Variants in ATXN7L1 observed in about 807,000 individuals in gnomAD.
ATXN7L1 encodes the protein ataxin 7 like 1, also known as ataxin-7-like protein 1.
Under a neutral mutation model 70.8 loss-of-function variants are expected in ATXN7L1, and 15 were observed. The ratio of observed to expected loss-of-function variants is 0.21; its 90% CI spans 0.14 to 0.33. ATXN7L1 has a LOEUF of 0.33. ATXN7L1 is among the 10% of genes least tolerant of loss of function. ATXN7L1 has a pLI of 1.00. For synonymous variants in ATXN7L1, 440 were observed against 445.1 expected, an observed-to-expected ratio of 0.99 and a Z score of 0.14; for missense variants, 975 against 1,097.1, an observed-to-expected ratio of 0.89 and a Z score of 1.57.
chr7:105,612,378 G>A (rs533497690), intron 10 of ATXN7L1, among the ~76,000 whole-genome samples: 7 of 152,322 alleles, frequency 4.6e-5, no homozygotes, highest in Admixed American at 3.3e-4. Context: ...TCTAAAATGA[G>A]TGAGATACCA....
At chr7:105,851,390 A>T (rs888592219) in intron 2 of ATXN7L1, among the ~76,000 whole-genome samples, 5 of 152,106 alleles carry the variant, frequency 3.3e-5, no homozygotes, top group African/African-American at 9.7e-5. Context: ...ATGGGACTGA[A>T]AGGTGGCTTC....
At chr7:105,693,619 C>T (rs1791329804) in intron 3 of ATXN7L1, among the ~76,000 whole-genome samples, 1 of 152,110 alleles carries the variant, frequency 6.6e-6, no homozygotes, top group Non-Finnish European at 1.5e-5. Flanking sequence ...CCTTCCCACT[C>T]CACAGGTTTT....
At chr7:105,690,379 G>A (rs1167693268) in intron 3 of ATXN7L1, among the ~76,000 whole-genome samples, 1 of 152,186 alleles carries the variant, frequency 6.6e-6, no homozygotes, top group Non-Finnish European at 1.5e-5. Flanking sequence ...TCAGCAGTTA[G>A]AACTATGTCA....
chr7:105,733,304 T>C (rs1796779562), intron 3 of ATXN7L1, among the ~76,000 whole-genome samples: 1 of 152,262 alleles, frequency 6.6e-6, no homozygotes, highest in African/African-American at 2.4e-5. Flanking sequence ...ACAATGCATT[T>C]GTCAGTCCTT....
intron 3 of ATXN7L1, among the ~76,000 whole-genome samples, chr7:105,787,330 G>A (rs1403984964): frequency 1.3e-5 from 2 of 152,186 alleles, no homozygotes; most frequent in African/African-American, 2.4e-5. Flanking sequence ...GGGAGGGGCA[G>A]AAGACTTGGC....
chr7:105,707,006 A>C (rs1163854738), intron 3 of ATXN7L1, among the ~76,000 whole-genome samples: 1 of 152,176 alleles, frequency 6.6e-6, no homozygotes, highest in Non-Finnish European at 1.5e-5. Flanking sequence ...AAGAGGGTTA[A>C]TTCTCCGTTG....
intron 3 of ATXN7L1, among the ~76,000 whole-genome samples, chr7:105,712,633 G>A (rs1416786883): frequency 6.6e-6 from 1 of 152,194 alleles, no homozygotes; most frequent in Non-Finnish European, 1.5e-5. Context: ...CAGTCTCTTT[G>A]CTAAAGCATA....
At position 105,665,053 on chromosome 7, in the gene ATXN7L1, C is replaced by A. The variant is rs1441577974; in HGVS notation, c.578+13G>T. The A allele has an allele frequency of 6.5e-7, 1 of 1,547,610 alleles. No individual in the cohort carries two copies. Among genetic ancestry groups the A allele is most frequent in the African/African-American group, 1.4e-5 (1 of 73,028 alleles). On this transcript the variant is annotated intron_variant, in intron 4 of 11. Transcript: ENST00000419735. Reference sequence around the variant, plus strand: ...GGGACAGACAGCAGCTGGCTGCCAGCCAGCTGACTCACCATGGTTTATCCC... The same window carrying A: ...GGGACAGACAGCAGCTGGCTGCCAGACAGCTGACTCACCATGGTTTATCCC...
chr7:105,672,788 G>A (rs1307617382), intron 3 of ATXN7L1, among the ~76,000 whole-genome samples: 1 of 152,214 alleles, frequency 6.6e-6, no homozygotes, highest in African/African-American at 2.4e-5. Flanking sequence ...CTCCCCTAGG[G>A]AGAGGAAGAA....
chr7:105,605,030 T>G lies in ATXN7L1; in HGVS notation c.*2822A>C, dbSNP rs1291862502. The stretch of plus-strand genomic sequence containing the variant: ...ATTGATACAAAAGAAGGCATACAAG[T>G]TATCCAAGTCGCTTTTTTTTTTTTT... On this transcript the variant is annotated 3_prime_UTR_variant, in exon 12 of 12. Coordinates refer to ENST00000419735, the MANE Select transcript of ATXN7L1 (RefSeq NM_020725.2). 1 of 145,560 alleles carries G rather than the reference T, an allele frequency of 6.9e-6. No homozygotes were observed. The highest frequency in any genetic ancestry group is 1.5e-5 in the Non-Finnish European group (1 of 66,346). The allele number at this position is 145,560 out of a possible 1,614,324, so 9.0% of individuals were successfully genotyped here. A position where few individuals can be genotyped will look rare whatever the true frequency, so the allele number is the denominator to read the frequency against.
intron 4 of ATXN7L1, among the ~76,000 whole-genome samples, chr7:105,643,852 C>T (rs991099976): frequency 6.6e-6 from 1 of 152,230 alleles, no homozygotes; most frequent in Non-Finnish European, 1.5e-5. Flanking sequence ...AATCTGTCAC[C>T]TTAGCCCCCT....
At chr7:105,780,371 C>T (rs1803351552) in intron 3 of ATXN7L1, among the ~76,000 whole-genome samples, 1 of 152,164 alleles carries the variant, frequency 6.6e-6, no homozygotes, top group Non-Finnish European at 1.5e-5. Flanking sequence ...CTCAGCCTCT[C>T]TGCTTTAGCT....
At chr7:105,636,352 G>A (rs543561406) in intron 7 of ATXN7L1, among the ~76,000 whole-genome samples, 9 of 146,756 alleles carry the variant, frequency 6.1e-5, no homozygotes, top group South Asian at 2.2e-4. Context: ...CCGAGATCGC[G>A]CCATTGCACT....
At chr7:105,797,271 T>C (rs779879279) in intron 2 of ATXN7L1, among the ~76,000 whole-genome samples, 1 of 152,212 alleles carries the variant, frequency 6.6e-6, no homozygotes, top group Non-Finnish European at 1.5e-5. Flanking sequence ...AGGTCAGTGC[T>C]GAGAAACACA....
At chr7:105,750,985 G>A (rs1799148402) in intron 3 of ATXN7L1, among the ~76,000 whole-genome samples, 1 of 152,164 alleles carries the variant, frequency 6.6e-6, no homozygotes, top group Admixed American at 6.5e-5. Flanking sequence ...CTGCCTCACT[G>A]TTGTTTTTTC....
At chr7:105,680,176 T>A (rs1426962611) in intron 3 of ATXN7L1, among the ~76,000 whole-genome samples, 1 of 151,900 alleles carries the variant, frequency 6.6e-6, no homozygotes, top group Non-Finnish European at 1.5e-5. Context: ...GAGACAGCAC[T>A]CCCTCACGTC....
At chr7:105,759,869 C>G (rs974417004) in intron 3 of ATXN7L1, among the ~76,000 whole-genome samples, 2 of 152,000 alleles carry the variant, frequency 1.3e-5, no homozygotes, top group Admixed American at 1.3e-4. Flanking sequence ...TCCGCCCCCC[C>G]CAAAGATAGA....
chr7:105,745,973 T>G (rs1798541283), intron 3 of ATXN7L1, among the ~76,000 whole-genome samples: 9 of 152,178 alleles, frequency 5.9e-5, no homozygotes, highest in Admixed American at 5.9e-4. Context: ...AAAGGTTAGA[T>G]TTCTCCCTTC....
At chr7:105,694,088 C>G (rs1305594828) in intron 3 of ATXN7L1, among the ~76,000 whole-genome samples, 2 of 150,002 alleles carry the variant, frequency 1.3e-5, no homozygotes, top group Non-Finnish European at 1.5e-5. Context: ...CGCTCTGTTG[C>G]CTAGGCTGGA....
Sources: allele counts gnomAD v4.1 joint callset (sites outside exome capture counted in the v4.1 genomes callset), GRCh38; gene constraint gnomAD v4.1.1; transcripts MANE v1.5; gene names NCBI Gene and HGNC (gene_info 2026-07-23, HGNC 2026-07-21).